NXN: variants seen among roughly 807,000 people sequenced by gnomAD.
The protein encoded by NXN is nucleoredoxin.
In NXN, 16 loss-of-function variants were observed where a neutral mutation model predicts 48.6. The ratio of observed to expected loss-of-function variants is 0.33; its 90% CI spans 0.22 to 0.50. The LOEUF is 0.50. Among genes scored for constraint, NXN ranks in the 20% least tolerant of loss-of-function variants. The pLI is 0.98. For synonymous variants in NXN, 281 were observed against 269.6 expected, an observed-to-expected ratio of 1.04 and a Z score of -0.41; for missense variants, 492 against 605.5, an observed-to-expected ratio of 0.81 and a Z score of 1.97.
chr17:836,348 C>T (rs1410261191), intron 1 of NXN, among the ~76,000 whole-genome samples: 1 of 152,194 alleles, frequency 6.6e-6, no homozygotes, highest in African/African-American at 2.4e-5. Flanking sequence ...GATTCATCCG[C>T]AAACTCCTTG....
At chr17:886,622 C>T (rs893655424) in intron 1 of NXN, among the ~76,000 whole-genome samples, 1 of 151,914 alleles carries the variant, frequency 6.6e-6, no homozygotes, top group Non-Finnish European at 1.5e-5. Context: ...ACTAAAAATA[C>T]AAAAAATTAG....
intron 1 of NXN, among the ~76,000 whole-genome samples, chr17:856,741 A>C (rs1391621022): frequency 6.6e-6 from 1 of 151,932 alleles, no homozygotes; most frequent in Non-Finnish European, 1.5e-5. Flanking sequence ...CCTCCTCCCA[A>C]AGTGCCGGGA....
At position 920,115 on chromosome 17, in the gene NXN, G is replaced by A. The variant is rs185331333; in HGVS notation, c.360+59204C>T. ...AGGTTTCGCCATGTTGCCCAGGCTG[G>A]TCTTGAACTCCTGGGCTCAAGCGAT... On this transcript the variant is annotated intron_variant, in intron 1 of 7. Coordinates refer to ENST00000336868, the MANE Select transcript of NXN (RefSeq NM_022463.5). This position sits in a 1 kb window ranked among gnomAD's most constrained non-coding sequence, Gnocchi z 4.6. Among the ~76,000 whole-genome samples, 1 of 152,186 alleles carries A rather than the reference G, an allele frequency of 6.6e-6. No homozygotes were observed. The highest frequency in any genetic ancestry group is 6.5e-5 in the Admixed American group (1 of 15,276).
Position 830,179 on chromosome 17 carries a change from T to C in NXN, c.361-4101A>G, listed in dbSNP as rs561880603. On this transcript the variant is annotated intron_variant, in intron 1 of 7. Transcript: ENST00000336868. The surrounding 1 kb of genome is among the most constrained non-coding windows in gnomAD (Gnocchi z 4.2). Reference sequence around the variant, plus strand: ...TGCTTTCCCCGCTATGTTTTGTAACTGGTAAGAGCTGAAAGTGATTCAGCA... The same window carrying C: ...TGCTTTCCCCGCTATGTTTTGTAACCGGTAAGAGCTGAAAGTGATTCAGCA... Among the ~76,000 whole-genome samples the C allele has an allele frequency of 5.3e-5, 8 of 152,194 alleles. No individual in the cohort carries two copies. The South Asian group carries it at 1.7e-3, about 32-fold the overall frequency.
At chr17:846,013 C>T (rs572791295) in intron 1 of NXN, among the ~76,000 whole-genome samples, 1 of 151,006 alleles carries the variant, frequency 6.6e-6, no homozygotes, top group African/African-American at 2.4e-5. Context: ...GCCTGGGAGG[C>T]GGAGGTTGCA....
chr17:885,557 A>T (rs1186100223), intron 1 of NXN, among the ~76,000 whole-genome samples: 1 of 151,776 alleles, frequency 6.6e-6, no homozygotes, highest in Non-Finnish European at 1.5e-5. Context: ...TTCATTTCTC[A>T]TAATCGTTTC....
At chr17:977,476 T>C (rs2069475152) in intron 1 of NXN, among the ~76,000 whole-genome samples, 1 of 152,252 alleles carries the variant, frequency 6.6e-6, no homozygotes, top group African/African-American at 2.4e-5. Flanking sequence ...CCATGGCCCA[T>C]GTCCTATCAA....
chr17:812,933 AGT>A (rs892190519), intron 5 of NXN, among the ~76,000 whole-genome samples: 70 of 143,524 alleles, frequency 4.9e-4, no homozygotes, highest in African/African-American at 1.5e-3. Flanking sequence ...TGCGTGTGTG[AGT>A]GTGCATATGT....
intron 5 of NXN, 120 bp downstream of exon 5, chr17:819,319 G>A: frequency 1.3e-6 from 1 of 745,324 alleles, no homozygotes; most frequent in East Asian, 2.7e-5. Context: ...AAACATGAAA[G>A]GCACATGAAT....
At chr17:856,527 G>C (rs1267442129) in intron 1 of NXN, among the ~76,000 whole-genome samples, 2 of 128,240 alleles carry the variant, frequency 1.6e-5, no homozygotes, top group South Asian at 2.4e-4. Context: ...GTCTTGCTCT[G>C]TCGCCCAGGC....
rs374406843 is a variant in NXN at position 966,688 on chromosome 17, T to G, written c.360+12631A>C. Among the ~76,000 whole-genome samples, 50 of 151,276 alleles carry G rather than the reference T, an allele frequency of 3.3e-4. 1 individual carries two copies. Among genetic ancestry groups the G allele is most frequent in the African/African-American group, 9.4e-4 (39 of 41,280 alleles). On this transcript the variant is annotated intron_variant, in intron 1 of 7. Transcript: ENST00000336868. Reference sequence around the variant, plus strand: ...ATGTGTGGCCCAAGACAATTCTTCTTCCAACGTGGCCCAGGGAGGCCAAAA... The same window carrying G: ...ATGTGTGGCCCAAGACAATTCTTCTGCCAACGTGGCCCAGGGAGGCCAAAA...
intron 1 of NXN, among the ~76,000 whole-genome samples, chr17:899,886 T>G (rs963978752): frequency 6.6e-6 from 1 of 152,122 alleles, no homozygotes; most frequent in African/African-American, 2.4e-5. Context: ...TGAGACCCTG[T>G]CTCTAAATTA....
At chr17:928,227 C>G (rs1872864234) in intron 1 of NXN, among the ~76,000 whole-genome samples, 1 of 152,130 alleles carries the variant, frequency 6.6e-6, no homozygotes, top group Non-Finnish European at 1.5e-5. Context: ...GTCTCAGCCA[C>G]AGCACCACCT....
chr17:931,331 T>C (rs2068851319), intron 1 of NXN, among the ~76,000 whole-genome samples: 1 of 149,892 alleles, frequency 6.7e-6, no homozygotes, highest in Admixed American at 6.7e-5. Context: ...TGTGTGCCTG[T>C]AATCTCAGCT....
chr17:862,668 CTACCTT>C, intron 1 of NXN, among the ~76,000 whole-genome samples: 1 of 152,230 alleles, frequency 6.6e-6, no homozygotes, highest in East Asian at 1.9e-4. Context: ...AAAGGAGAAA[CTACCTT>C]TACAAAGTAG....
At chr17:836,920 G>A (rs1489313503) in intron 1 of NXN, among the ~76,000 whole-genome samples, 1 of 150,466 alleles carries the variant, frequency 6.6e-6, no homozygotes, top group Non-Finnish European at 1.5e-5. Context: ...GCCTCCCAGA[G>A]TGCTGGGATT....
chr17:845,282 C>T (rs557406670), intron 1 of NXN, among the ~76,000 whole-genome samples: 1 of 151,794 alleles, frequency 6.6e-6, no homozygotes, highest in South Asian at 2.1e-4. Context: ...ACTCAACATC[C>T]GAGAGAGAAT....
At chr17:871,548 G>A (rs1173083739) in intron 1 of NXN, among the ~76,000 whole-genome samples, 3 of 151,550 alleles carry the variant, frequency 2.0e-5, no homozygotes, top group South Asian at 4.2e-4. Flanking sequence ...GGGATTACAG[G>A]TACGTGCCAC....
intron 1 of NXN, among the ~76,000 whole-genome samples, chr17:827,186 A>G (rs556839969): frequency 2.0e-5 from 3 of 152,296 alleles, no homozygotes; most frequent in South Asian, 4.2e-4. Flanking sequence ...TCTACTTAAA[A>G]TACAAAAATT....
Sources: gnomAD v4.1 joint callset for allele counts (sites outside exome capture counted in the v4.1 genomes callset) on GRCh38, gnomAD v4.1.1 for gene constraint, Gnocchi (gnomAD v3.1) non-coding constraint, MANE v1.5 for transcripts, NCBI Gene and HGNC (gene_info 2026-07-23, HGNC 2026-07-21) for gene names.